Variants in CNTNAP2 observed in about 807,000 individuals in gnomAD.
CNTNAP2 encodes contactin-associated protein-like 2.
In CNTNAP2, 98 loss-of-function variants were observed where a neutral mutation model predicts 155.2. The ratio of observed to expected loss-of-function variants is 0.63; its 90% confidence interval spans 0.54 to 0.75. The LOEUF (loss-of-function observed/expected upper bound fraction) is 0.75, where lower values mean the gene tolerates loss of function less well. Among genes scored for constraint, CNTNAP2 ranks in the 30% least tolerant of loss-of-function variants. CNTNAP2 has a pLI of 0.00. For missense variants in CNTNAP2, 1,727 were observed against 1,688.1 expected (o/e 1.02, Z -0.40); for synonymous variants, 651 against 631.2 (o/e 1.03, Z -0.47).
At chr7:147,932,263 A>G (rs1444045884) in intron 14 of CNTNAP2, among the ~76,000 whole-genome samples, 1 of 152,206 alleles carries the variant, frequency 6.6e-6, no homozygotes, top group Non-Finnish European at 1.5e-5. Context: ...AGCTAAAACA[A>G]TCTTGAGAAA....
chr7:146,789,573 G>T (rs1802634623), intron 2 of CNTNAP2, among the ~76,000 whole-genome samples: 1 of 147,022 alleles, frequency 6.8e-6, no homozygotes, highest in Non-Finnish European at 1.5e-5. Flanking sequence ...TCTAATTTTT[G>T]AACTTGTATT....
intron 12 of CNTNAP2, among the ~76,000 whole-genome samples, chr7:147,579,079 G>T (rs1800449850): frequency 6.6e-6 from 1 of 151,982 alleles, no homozygotes. Context: ...TAATTGACGT[G>T]GTTCCAAATC....
intron 1 of CNTNAP2, among the ~76,000 whole-genome samples, chr7:146,406,574 G>A (rs372564718): frequency 2.6e-5 from 4 of 152,286 alleles, no homozygotes; most frequent in African/African-American, 9.6e-5. Flanking sequence ...CTGAGATATT[G>A]GCAAGGCTTA....
Position 146,474,361 on chromosome 7 carries a change from A to G in CNTNAP2, c.98-299910A>G, listed in dbSNP as rs546228553. ...CCACTCATCTTGGAACAATTTTGAG[A>G]ACATTTGCCAGAATTTTCCAGAATC... On this transcript the variant is annotated intron_variant, in intron 1 of 23. Coordinates refer to ENST00000361727, the MANE Select transcript of CNTNAP2 (RefSeq NM_014141.6). Among the ~76,000 whole-genome samples, 6 of 150,254 alleles carry G rather than the reference A, an allele frequency of 4.0e-5. No homozygotes were observed. The South Asian group carries it at 1.3e-3, about 31-fold the overall frequency.
chr7:146,456,432 G>A (rs559980237), intron 1 of CNTNAP2, among the ~76,000 whole-genome samples: 1 of 152,080 alleles, frequency 6.6e-6, no homozygotes, highest in African/African-American at 2.4e-5. Context: ...AGAACAAAAA[G>A]TTCCAGATTC....
At chr7:146,512,808 G>T (rs1047291412) in intron 1 of CNTNAP2, among the ~76,000 whole-genome samples, 1 of 151,246 alleles carries the variant, frequency 6.6e-6, no homozygotes, top group Admixed American at 6.6e-5. Context: ...AGGTCCATTT[G>T]CTCTATAATT....
chr7:148,059,542 G>T (rs1215998481), intron 15 of CNTNAP2, among the ~76,000 whole-genome samples: 1 of 149,932 alleles, frequency 6.7e-6, no homozygotes. Context: ...GAGCTGAGAC[G>T]GTGCCCCATT....
intron 3 of CNTNAP2, among the ~76,000 whole-genome samples, chr7:146,939,388 A>C (rs1254446663): frequency 6.6e-6 from 1 of 152,230 alleles, no homozygotes; most frequent in Non-Finnish European, 1.5e-5. Context: ...AGTAAATTCA[A>C]AATTGCCTCT....
At chr7:148,193,949 G>A (rs1343702426) in intron 18 of CNTNAP2, among the ~76,000 whole-genome samples, 2 of 150,704 alleles carry the variant, frequency 1.3e-5, no homozygotes, top group Non-Finnish European at 3.0e-5. Context: ...CCTCATCTCT[G>A]GAGACTTTGT....
intron 8 of CNTNAP2, among the ~76,000 whole-genome samples, chr7:147,162,675 A>G (rs908212120): frequency 2.6e-5 from 4 of 152,194 alleles, no homozygotes; most frequent in Non-Finnish European, 5.9e-5. Context: ...GTAGTTAACC[A>G]GCACCCTCAA....
intron 10 of CNTNAP2, among the ~76,000 whole-genome samples, chr7:147,460,574 G>A (rs1475202099): frequency 6.6e-6 from 1 of 152,150 alleles, no homozygotes; most frequent in East Asian, 1.9e-4. Flanking sequence ...TAATTTTGAA[G>A]TTAATCATTT....
At chr7:147,007,542 C>T (rs191137708) in intron 3 of CNTNAP2, among the ~76,000 whole-genome samples, 8 of 151,998 alleles carry the variant, frequency 5.3e-5, no homozygotes, top group African/African-American at 1.7e-4. Flanking sequence ...TCATTAACTT[C>T]ATCAGATTAA....
At chr7:147,772,616 A>G (rs949439871) in intron 13 of CNTNAP2, among the ~76,000 whole-genome samples, 2 of 151,452 alleles carry the variant, frequency 1.3e-5, no homozygotes, top group Admixed American at 6.6e-5. Flanking sequence ...TACCTGATTC[A>G]GTAAGTGATT....
At chr7:148,234,570 G>A (rs1269258241) in intron 20 of CNTNAP2, among the ~76,000 whole-genome samples, 2 of 152,188 alleles carry the variant, frequency 1.3e-5, no homozygotes, top group Non-Finnish European at 2.9e-5. Context: ...CAGCATTTCT[G>A]CAAATGTATT....
At chr7:147,631,458 T>C (rs1326157833) in intron 12 of CNTNAP2, among the ~76,000 whole-genome samples, 4 of 152,146 alleles carry the variant, frequency 2.6e-5, no homozygotes, top group Non-Finnish European at 5.9e-5. Context: ...ATCAATATTC[T>C]TCACAGAACT....
intron 15 of CNTNAP2, among the ~76,000 whole-genome samples, chr7:148,073,686 A>G (rs1455890199): frequency 1.3e-5 from 2 of 152,098 alleles, no homozygotes; most frequent in Non-Finnish European, 2.9e-5. Context: ...TAAACTTTAC[A>G]TAGATGTGTA....
At chr7:147,623,964 G>A (rs76625059) in intron 12 of CNTNAP2, among the ~76,000 whole-genome samples, 13,658 of 151,912 alleles carry the variant, frequency 0.09, 1,707 homozygotes, top group African/African-American at 0.26. Flanking sequence ...AATCCACACA[G>A]CTACAGCGAA....
chr7:146,468,125 T>A (rs1210891730), intron 1 of CNTNAP2, among the ~76,000 whole-genome samples: 1 of 152,160 alleles, frequency 6.6e-6, no homozygotes, highest in East Asian at 1.9e-4. Flanking sequence ...ACATCTAAAA[T>A]TTTTTAAAAA....
chr7:146,697,718 GTTC>G (rs1219774485), intron 1 of CNTNAP2, among the ~76,000 whole-genome samples: 1 of 151,722 alleles, frequency 6.6e-6, no homozygotes, highest in African/African-American at 2.4e-5. Flanking sequence ...CCCATAGTAG[GTTC>G]TTGTTTTTAA....
Sources: allele counts gnomAD v4.1 joint callset (sites outside exome capture counted in the v4.1 genomes callset), GRCh38; gene constraint gnomAD v4.1.1; transcripts MANE v1.5; gene names NCBI Gene and HGNC (gene_info 2026-07-23, HGNC 2026-07-21).